The following AFTPH variants were observed in gnomAD, a reference collection of about 807,000 sequenced individuals.
AFTPH encodes aftiphilin, also known as aftiphilin protein.
In AFTPH, 7 loss-of-function variants were observed where a neutral mutation model predicts 72.5. The ratio of observed to expected loss-of-function variants is 0.10; its 90% CI spans 0.05 to 0.18. The LOEUF is 0.18. Ranked by LOEUF, AFTPH falls within the 10% of genes least tolerant of loss-of-function variation. The pLI is 1.00. For synonymous variants in AFTPH, 337 were observed against 370.1 expected (o/e 0.91, Z 1.03); for missense variants, 979 against 1,060.5 (o/e 0.92, Z 1.07).
intron 1 of AFTPH, among the ~76,000 whole-genome samples, chr2:64,525,099 A>G (rs1669175022): frequency 6.6e-6 from 1 of 152,200 alleles, no homozygotes; most frequent in South Asian, 2.1e-4. Flanking sequence ...GGGTCTCTGA[A>G]GCAAGCGAAT....
chr2:64,542,612 T>C (rs915036898), intron 1 of AFTPH, among the ~76,000 whole-genome samples: 22 of 152,174 alleles, frequency 1.4e-4, no homozygotes, highest in Admixed American at 9.8e-4. Flanking sequence ...TAGTTTGTTA[T>C]CAGCATCCCC....
chr2:64,539,063 A>G (rs1406262914), intron 1 of AFTPH, among the ~76,000 whole-genome samples: 3 of 152,112 alleles, frequency 2.0e-5, no homozygotes, highest in Non-Finnish European at 2.9e-5. Flanking sequence ...TACACTAGTC[A>G]CTTGAGGTTT....
chr2:64,577,651 T>G (rs1485821914), intron 6 of AFTPH, among the ~76,000 whole-genome samples: 2 of 152,212 alleles, frequency 1.3e-5, no homozygotes, highest in African/African-American at 4.8e-5. Flanking sequence ...CTAGAATGCT[T>G]AGAGATGTTT....
chr2:64,548,299 A>G (rs1057471405), intron 1 of AFTPH, among the ~76,000 whole-genome samples: 6 of 145,488 alleles, frequency 4.1e-5, no homozygotes, highest in African/African-American at 1.5e-4. Context: ...AGGCTGAGGC[A>G]GGAGAATGGC....
At chr2:64,537,822 T>C (rs886236297) in intron 1 of AFTPH, among the ~76,000 whole-genome samples, 10 of 152,222 alleles carry the variant, frequency 6.6e-5, no homozygotes, top group Admixed American at 4.6e-4. Context: ...ACTTGGTTCG[T>C]TGAAATAATG....
At chr2:64,592,513 G>C (rs1673887188) in exon 9 of AFTPH, 1 of 152,562 alleles carries the variant, frequency 6.6e-6, no homozygotes, top group Non-Finnish European at 1.5e-5. Flanking sequence ...TTTTGTGTAT[G>C]ATGGGTTTCA....
chr2:64,538,957 C>T (rs186936546), intron 1 of AFTPH, among the ~76,000 whole-genome samples: 39 of 149,654 alleles, frequency 2.6e-4, no homozygotes, highest in African/African-American at 9.1e-4. Context: ...GCCACAGTTA[C>T]GTTTTTAGGT....
chr2:64,562,394 A>G (rs907597142), intron 2 of AFTPH, among the ~76,000 whole-genome samples: 2 of 150,926 alleles, frequency 1.3e-5, no homozygotes, highest in African/African-American at 4.9e-5. Context: ...GCAGGAACCC[A>G]GGTACTGGAA....
chr2:64,590,233 T>G (rs1233333247), intron 8 of AFTPH, among the ~76,000 whole-genome samples: 1 of 152,234 alleles, frequency 6.6e-6, no homozygotes, highest in Non-Finnish European at 1.5e-5. Flanking sequence ...TATATAAAGA[T>G]TAGTATAGGT....
At chr2:64,559,642 A>G (rs1294418148) in intron 2 of AFTPH, among the ~76,000 whole-genome samples, 2 of 152,170 alleles carry the variant, frequency 1.3e-5, no homozygotes, top group African/African-American at 2.4e-5. Context: ...CAGATTACCA[A>G]TTCAAATCTT....
At chr2:64,573,136 CT>C in intron 6 of AFTPH, 68 bp downstream of exon 6, 3 of 1,175,028 alleles carry the variant, frequency 2.6e-6, no homozygotes, top group Admixed American at 2.0e-5. Context: ...CACATACTGC[CT>C]TTTTCCTTCA....
At chr2:64,531,101 C>T (rs1168552790) in intron 1 of AFTPH, among the ~76,000 whole-genome samples, 7 of 143,658 alleles carry the variant, frequency 4.9e-5, no homozygotes, top group Non-Finnish European at 1.1e-4. Context: ...ATGAAAAAAA[C>T]CATGCTTTTT....
At chr2:64,568,823 GC>G (rs1235266117) in intron 3 of AFTPH, among the ~76,000 whole-genome samples, 1 of 152,112 alleles carries the variant, frequency 6.6e-6, no homozygotes, top group African/African-American at 2.4e-5. Context: ...TGTTGGCCAG[GC>G]TGGTCTAGAA....
chr2:64,526,885 C>T (rs1669304088), intron 1 of AFTPH, among the ~76,000 whole-genome samples: 1 of 152,196 alleles, frequency 6.6e-6, no homozygotes, highest in Non-Finnish European at 1.5e-5. Flanking sequence ...TAGTATCCCT[C>T]ATTTTTCAGA....
rs757013933 is a variant in AFTPH at position 64,567,542 on chromosome 2, T to TG, written c.1936-14dup. On this transcript the variant is annotated intron_variant, in intron 2 of 8. Coordinates refer to ENST00000238856, the Ensembl canonical transcript of AFTPH. ...TCAAAATTAAATGAAAATAAACTTT[T>TG]GGGGGGTGTTTTGATGCAGACAGCT... 91 of 1,585,498 alleles carry TG rather than the reference T, an allele frequency of 5.7e-5. 1 individual carries two copies. The highest frequency in any genetic ancestry group is 3.4e-4 in the Middle Eastern group (2 of 5,928).
At chr2:64,592,901 TAGA>T (rs1170135616) in exon 9 of AFTPH, 1 of 152,654 alleles carries the variant, frequency 6.6e-6, no homozygotes, top group Non-Finnish European at 1.5e-5. Context: ...GAGAGACATG[TAGA>T]AGAACCTCTA....
intron 1 of AFTPH, among the ~76,000 whole-genome samples, chr2:64,550,677 GCACACACACACACACA>G (rs56139158): frequency 0.25 from 32,167 of 130,174 alleles, 3,775 homozygotes; most frequent in South Asian, 0.28. Context: ...CTGTACGCAT[GCACACACACACACACA>G]CACACACACA....
chr2:64,568,392 C>T (rs374240583), intron 3 of AFTPH, among the ~76,000 whole-genome samples: 3 of 152,130 alleles, frequency 2.0e-5, no homozygotes, highest in Non-Finnish European at 2.9e-5. Flanking sequence ...TGTTCATACA[C>T]TTGTGATCCA....
chr2:64,530,987 G>A (rs1329431182), intron 1 of AFTPH, among the ~76,000 whole-genome samples: 4 of 150,600 alleles, frequency 2.7e-5, no homozygotes, highest in East Asian at 2.0e-4. Context: ...GCTTGAACCC[G>A]GGAGGTGGAG....
Sources: allele counts gnomAD v4.1 joint callset (sites outside exome capture counted in the v4.1 genomes callset), GRCh38; gene constraint gnomAD v4.1.1; transcripts MANE v1.5; gene names NCBI Gene and HGNC (gene_info 2026-07-23, HGNC 2026-07-21).